Variants in CPNE5 observed in about 807,000 individuals in gnomAD.
CPNE5 encodes copine-5.
A neutral mutation model predicts 81.1 loss-of-function variants in CPNE5; 42 were observed. The ratio of observed to expected loss-of-function variants is 0.52; its 90% CI spans 0.40 to 0.67. The LOEUF is 0.67. CPNE5 is among the 30% of genes least tolerant of loss of function. The probability of loss-of-function intolerance (pLI) is 0.00; values close to 1 mark genes in which losing one functional copy is unlikely to be tolerated. For synonymous variants in CPNE5, 313 were observed against 321.5 expected, an observed-to-expected ratio of 0.97 and a Z score of 0.28; for missense variants, 612 against 815.5, an observed-to-expected ratio of 0.75 and a Z score of 3.04.
At chr6:36,756,340 C>A (rs1765461402) in intron 12 of CPNE5, 42 bp from the exon 13 acceptor site, 3 of 1,580,802 alleles carry the variant, frequency 1.9e-6, no homozygotes, top group Non-Finnish European at 2.6e-6. Flanking sequence ...TGCTTCCAGG[C>A]AGTCAGGGTG....
intron 3 of CPNE5, among the ~76,000 whole-genome samples, chr6:36,820,600 A>G (rs1771961224): frequency 6.6e-6 from 1 of 152,114 alleles, no homozygotes; most frequent in Non-Finnish European, 1.5e-5. Context: ...TAGTGAATAA[A>G]GCAGATGAAA....
chr6:36,778,707 C>T (rs527290079), intron 9 of CPNE5, 147 bp downstream of exon 9: 67 of 627,076 alleles, frequency 1.1e-4, no homozygotes, highest in South Asian at 3.5e-4. Context: ...CCTGGGGCCC[C>T]GGACTTCCAC....
chr6:36,820,373 G>T (rs902942971), intron 3 of CPNE5, among the ~76,000 whole-genome samples: 1 of 122,708 alleles, frequency 8.1e-6, no homozygotes. Flanking sequence ...ATGGAGTCTC[G>T]CTCTGTCGCC....
At chr6:36,791,502 C>T (rs73416215) in intron 8 of CPNE5, among the ~76,000 whole-genome samples, 2,754 of 152,254 alleles carry the variant, frequency 0.018, 91 homozygotes, top group African/African-American at 0.062. Flanking sequence ...CTCCTGCTCC[C>T]CCACAGTCCT....
At chr6:36,769,594 G>A (rs901269991) in intron 10 of CPNE5, among the ~76,000 whole-genome samples, 12 of 152,232 alleles carry the variant, frequency 7.9e-5, no homozygotes, top group Admixed American at 5.9e-4. Flanking sequence ...AAATGGACTT[G>A]AGTCAGTCCA....
At chr6:36,764,163 A>T (rs1766333706) in intron 11 of CPNE5, among the ~76,000 whole-genome samples, 1 of 145,996 alleles carries the variant, frequency 6.8e-6, no homozygotes, top group Admixed American at 7.3e-5. Context: ...GAGCAACTTC[A>T]TGGTGGGACC....
intron 1 of CPNE5, among the ~76,000 whole-genome samples, chr6:36,831,107 T>G (rs961994661): frequency 6.6e-6 from 1 of 152,186 alleles, no homozygotes; most frequent in African/African-American, 2.4e-5. Context: ...CAGGCTGGAG[T>G]GCAGTGGTGC....
intron 11 of CPNE5, among the ~76,000 whole-genome samples, chr6:36,764,964 T>C (rs1766418910): frequency 1.0e-5 from 1 of 97,192 alleles, no homozygotes; most frequent in Non-Finnish European, 2.6e-5. Context: ...CCATGAATGC[T>C]TGAAGTTCAC....
chr6:36,775,384 C>T (rs1454137725), intron 9 of CPNE5, among the ~76,000 whole-genome samples: 1 of 152,246 alleles, frequency 6.6e-6, no homozygotes, highest in East Asian at 1.9e-4. Flanking sequence ...GCTCTCCCCT[C>T]TCTGGGCCTC....
intron 1 of CPNE5, among the ~76,000 whole-genome samples, chr6:36,825,133 A>G (rs1772389911): frequency 6.6e-6 from 1 of 152,152 alleles, no homozygotes; most frequent in Admixed American, 6.5e-5. Flanking sequence ...GTGTCACCAA[A>G]GCCCTCGGCA....
intron 10 of CPNE5, among the ~76,000 whole-genome samples, chr6:36,767,910 A>G (rs1413485943): frequency 1.3e-5 from 2 of 152,236 alleles, no homozygotes; most frequent in Non-Finnish European, 2.9e-5. Context: ...CTTTAGAAAT[A>G]CTGACACCAA....
intron 3 of CPNE5, among the ~76,000 whole-genome samples, chr6:36,812,848 C>T (rs1771218893): frequency 6.6e-6 from 1 of 152,228 alleles, no homozygotes; most frequent in South Asian, 2.1e-4. Context: ...AGGAGAGAGT[C>T]CAGAAAGCCT....
At chr6:36,765,962 G>T (rs573423795) in intron 10 of CPNE5, among the ~76,000 whole-genome samples, 2 of 152,336 alleles carry the variant, frequency 1.3e-5, no homozygotes, top group East Asian at 3.9e-4. Context: ...GCTTTAATTA[G>T]TTTGTTTTGA....
At chr6:36,765,492 C>T (rs1766480422) in intron 10 of CPNE5, 116 bp from the exon 11 acceptor site, 9 of 1,241,354 alleles carry the variant, frequency 7.3e-6, no homozygotes, top group Non-Finnish European at 9.2e-6. Context: ...CTCTGGGCCC[C>T]AGGGCCCTGG....
In CPNE5 at chr6:36,742,102, G is replaced by A; in HGVS notation, c.*166C>T. On this transcript the variant is annotated 3_prime_UTR_variant, in exon 21 of 21. Transcript: ENST00000244751. ...TCCCTGGGTTTGGGCAATAAGTGAG[G>A]CCAAGAAATTGAGGAGGGGTCTTCA... 1 of 566,536 alleles carries A rather than the reference G, an allele frequency of 1.8e-6. No homozygotes were observed. The highest frequency in any genetic ancestry group is 3.1e-6 in the Non-Finnish European group (1 of 323,458). The allele number at this position is 566,536 out of a possible 1,614,324, so 35.1% of individuals were successfully genotyped here.
chr6:36,827,762 C>T (rs567183467), intron 1 of CPNE5: 10 of 985,252 alleles, frequency 1.0e-5, no homozygotes, highest in Admixed American at 6.1e-5. Flanking sequence ...TCCGCCCTGA[C>T]GAAGGGCCCG....
At chr6:36,752,890 C>T (rs1765001329) in intron 14 of CPNE5, 144 bp downstream of exon 14, 3 of 630,290 alleles carry the variant, frequency 4.8e-6, no homozygotes, top group African/African-American at 3.6e-5. Flanking sequence ...TCAGCCCAAA[C>T]ACCAGGGTTT....
chr6:36,789,207 C>T (rs1407918466), intron 8 of CPNE5, among the ~76,000 whole-genome samples: 1 of 152,298 alleles, frequency 6.6e-6, no homozygotes, highest in East Asian at 1.9e-4. Context: ...GGAGGGCGCT[C>T]CCTGCCCCCG....
intron 3 of CPNE5, among the ~76,000 whole-genome samples, chr6:36,801,082 G>A (rs1464927366): frequency 6.6e-6 from 1 of 152,190 alleles, no homozygotes; most frequent in Non-Finnish European, 1.5e-5. Context: ...TAAATTCTGG[G>A]ATAATTTATT....
Sources: allele counts gnomAD v4.1 joint callset (sites outside exome capture counted in the v4.1 genomes callset), GRCh38; gene constraint gnomAD v4.1.1; transcripts MANE v1.5; gene names NCBI Gene and HGNC (gene_info 2026-07-23, HGNC 2026-07-21).